Variants in PDE3B observed in about 807,000 individuals in gnomAD.
The protein encoded by PDE3B is phosphodiesterase 3B.
Under a neutral mutation model 116.8 loss-of-function variants are expected in PDE3B, and 66 were observed. That is an observed-to-expected ratio of 0.56 (90% CI 0.46 to 0.69). PDE3B has a LOEUF of 0.69. Among genes scored for constraint, PDE3B ranks in the 30% least tolerant of loss-of-function variants. The pLI is 0.00. For synonymous variants in PDE3B, 595 were observed against 533.6 expected (o/e 1.12, Z -1.59); for missense variants, 1,384 against 1,368.1 (o/e 1.01, Z -0.18).
chr11:14,850,130 C>G (rs1183179776), intron 12 of PDE3B, among the ~76,000 whole-genome samples: 1 of 152,086 alleles, frequency 6.6e-6, no homozygotes, highest in South Asian at 2.1e-4. Flanking sequence ...AAATGTGGCA[C>G]ATATACACCA....
intron 9 of PDE3B, 54 bp from the exon 10 acceptor site, chr11:14,832,668 C>A: frequency 1.5e-6 from 1 of 681,102 alleles, no homozygotes; most frequent in Non-Finnish European, 2.5e-6. Flanking sequence ...TTATACTCAG[C>A]TACAAATAGA....
intron 1 of PDE3B, among the ~76,000 whole-genome samples, chr11:14,742,100 G>C (rs1438243442): frequency 6.6e-6 from 1 of 151,674 alleles, no homozygotes; most frequent in East Asian, 1.9e-4. Flanking sequence ...TATCTTTGTG[G>C]TGTTCTCTGT....
intron 5 of PDE3B, among the ~76,000 whole-genome samples, chr11:14,814,552 T>A (rs1859255744): frequency 6.6e-6 from 1 of 152,206 alleles, no homozygotes; most frequent in South Asian, 2.1e-4. Context: ...GCAATGCTGC[T>A]ACACTCCATA....
intron 2 of PDE3B, among the ~76,000 whole-genome samples, chr11:14,782,342 C>G (rs1429199689): frequency 3.9e-5 from 6 of 152,170 alleles, no homozygotes; most frequent in Non-Finnish European, 5.9e-5. Flanking sequence ...AGGCATCATG[C>G]TATCTGACTT....
intron 1 of PDE3B, among the ~76,000 whole-genome samples, chr11:14,668,297 A>G (rs1854249970): frequency 6.6e-6 from 1 of 152,172 alleles, no homozygotes; most frequent in Non-Finnish European, 1.5e-5. Context: ...ATTTTGTGTT[A>G]TAGCCTCTAT....
intron 1 of PDE3B, among the ~76,000 whole-genome samples, chr11:14,664,406 T>C (rs1854052133): frequency 6.6e-6 from 1 of 151,788 alleles, no homozygotes; most frequent in Non-Finnish European, 1.5e-5. Context: ...AGGCAAGAAA[T>C]AACTAAAATC....
At chr11:14,781,506 A>G (rs901438077) in intron 2 of PDE3B, among the ~76,000 whole-genome samples, 1 of 152,242 alleles carries the variant, frequency 6.6e-6, no homozygotes, top group Non-Finnish European at 1.5e-5. Flanking sequence ...CTGGTTCAAC[A>G]TACACAAATC....
intron 1 of PDE3B, among the ~76,000 whole-genome samples, chr11:14,752,102 A>G (rs537986774): frequency 6.6e-6 from 1 of 152,292 alleles, no homozygotes; most frequent in South Asian, 2.1e-4. Context: ...ATTCTAAGAA[A>G]TCTACTTTTT....
Position 14,811,336 on chromosome 11 carries a change from G to A in PDE3B, c.1523-6847G>A, listed in dbSNP as rs1460585796. 5.3e-5 allele frequency among the ~76,000 whole-genome samples: 8 copies of A among 152,188 alleles called. No homozygotes were observed. The East Asian group carries it at 1.4e-3, about 26-fold the overall frequency. On this transcript the variant is annotated intron_variant, in intron 5 of 15. Coordinates refer to ENST00000282096, the MANE Select transcript of PDE3B (RefSeq NM_000922.4). ...TTAAGTCTTTAATCCATCTTGAATT[G>A]ATTTTTGTATAAGGTGTAAGGAAGG...
the PDE3B span, chr11:14,891,538 A>G: frequency 9.9e-7 from 1 of 1,006,482 alleles, no homozygotes; most frequent in Non-Finnish European, 1.2e-6. Context: ...ACCTGCTATT[A>G]ACCATCTAGA....
chr11:14,769,457 G>A (rs1218449207), intron 1 of PDE3B, among the ~76,000 whole-genome samples: 1 of 150,776 alleles, frequency 6.6e-6, no homozygotes, highest in Non-Finnish European at 1.5e-5. Context: ...TTCTGCATAG[G>A]CAGCCTTTAA....
intron 2 of PDE3B, chr11:14,775,035 T>C (rs1857744379): frequency 6.6e-6 from 1 of 152,222 alleles, no homozygotes; most frequent in Admixed American, 6.5e-5. Flanking sequence ...AAGCATTTCC[T>C]TCTTAGTGAG....
chr11:14,771,750 T>A (rs1022065676), intron 1 of PDE3B, among the ~76,000 whole-genome samples, 187 bp from the exon 2 acceptor site: 2 of 151,798 alleles, frequency 1.3e-5, no homozygotes, highest in Non-Finnish European at 3.0e-5. Flanking sequence ...TTTATTCTTT[T>A]GATTTCTCAA....
chr11:14,838,065 G>A (rs1422679751), intron 11 of PDE3B, among the ~76,000 whole-genome samples: 4 of 151,658 alleles, frequency 2.6e-5, no homozygotes, highest in East Asian at 1.9e-4. Flanking sequence ...TGCAAGCGCC[G>A]CCTCCTGGGT....
chr11:14,859,111 T>G lies in PDE3B; in HGVS notation c.2589T>G (p.Leu863=). Residue 863 remains leucine, a synonymous_variant, in exon 13 of 16, where the codon CTT becomes CTG. Coordinates refer to ENST00000282096, the MANE Select transcript of PDE3B (RefSeq NM_000922.4). ...CTGCGTCAGCTTGGAATCTATATCT[T>G]TCTCGCCCAGAATACAACTTCCTTC... is the stretch of plus-strand genomic sequence containing the variant. The part of the protein sequence containing the change: ...HHAASAWNLY[L]SRPEYNFLLH... The G allele has an allele frequency of 6.2e-7, 1 of 1,613,780 alleles. No individual in the cohort carries two copies. Among genetic ancestry groups the G allele is most frequent in the Non-Finnish European group, 8.5e-7 (1 of 1,179,782 alleles).
At chr11:14,786,408 A>C in intron 2 of PDE3B, 29 bp from the exon 3 acceptor site, 1 of 1,579,478 alleles carries the variant, frequency 6.3e-7, no homozygotes, top group Non-Finnish European at 8.7e-7. Context: ...TGTACAAATG[A>C]ATGAAAATTT....
rs958236810 is a variant in PDE3B at position 14,769,109 on chromosome 11, T to G, written c.979-2828T>G. Among the ~76,000 whole-genome samples, 8 of 151,394 alleles carry G rather than the reference T, an allele frequency of 5.3e-5. No individual in the cohort carries two copies. The East Asian group carries it at 7.7e-4, about 15-fold the overall frequency. On this transcript the variant is annotated intron_variant, in intron 1 of 15. Transcript: ENST00000282096. ...TAGAGAAAGTGACTGCAAATAAGAT[T>G]GGGCTTTGCTTAAGAATTGATTCAA...
intron 12 of PDE3B, among the ~76,000 whole-genome samples, chr11:14,845,733 G>A (rs1847584602): frequency 1.3e-5 from 2 of 152,190 alleles, no homozygotes; most frequent in Admixed American, 1.3e-4. Context: ...GGAAGAAAGG[G>A]TTTCGGTGAT....
chr11:14,768,240 G>C (rs952066450), intron 1 of PDE3B, among the ~76,000 whole-genome samples: 1 of 151,420 alleles, frequency 6.6e-6, no homozygotes, highest in African/African-American at 2.4e-5. Flanking sequence ...TATGAAATAT[G>C]TGTAAAGTAC....
Sources: allele counts gnomAD v4.1 joint callset (sites outside exome capture counted in the v4.1 genomes callset), GRCh38; gene constraint gnomAD v4.1.1; transcripts MANE v1.5; gene names NCBI Gene and HGNC (gene_info 2026-07-23, HGNC 2026-07-21).